COG5: variants seen among roughly 807,000 people sequenced by gnomAD.
COG5 encodes component of oligomeric golgi complex 5.
A neutral mutation model predicts 110.4 loss-of-function variants in COG5; 86 were observed. The observed-to-expected ratio is 0.78, with a 90% CI of 0.65 to 0.93. The LOEUF (loss-of-function observed/expected upper bound fraction) is 0.93, where lower values mean the gene tolerates loss of function less well. Ranked by LOEUF, COG5 falls within the 40% of genes least tolerant of loss-of-function variation. COG5 has a pLI of 0.00. For synonymous variants in COG5, 360 were observed against 334.6 expected (o/e 1.08, Z -0.83); for missense variants, 1,077 against 987.0 (o/e 1.09, Z -1.22).
At chr7:107,206,188 C>G (rs941754435) in intron 21 of COG5, among the ~76,000 whole-genome samples, 7 of 152,122 alleles carry the variant, frequency 4.6e-5, no homozygotes, top group African/African-American at 1.7e-4. Context: ...GTCTCGATCT[C>G]TTGACCTCGT....
chr7:107,479,419 A>G (rs1215515894), intron 6 of COG5, among the ~76,000 whole-genome samples: 1 of 152,134 alleles, frequency 6.6e-6, no homozygotes, highest in East Asian at 1.9e-4. Context: ...AGAATTGATG[A>G]GACACAGAAG....
intron 10 of COG5, among the ~76,000 whole-genome samples, 181 bp downstream of exon 10, chr7:107,361,852 G>A (rs970278763): frequency 3.3e-5 from 5 of 151,974 alleles, no homozygotes; most frequent in Admixed American, 1.3e-4. Context: ...GACCCACCAC[G>A]CCCAGCCCCA....
At chr7:107,494,115 T>C (rs1000420770) in intron 6 of COG5, among the ~76,000 whole-genome samples, 3 of 152,294 alleles carry the variant, frequency 2.0e-5, no homozygotes, top group African/African-American at 7.2e-5. Context: ...TTTAAGTTTA[T>C]ATTTAATATT....
chr7:107,483,234 T>C (rs574211268), intron 6 of COG5, among the ~76,000 whole-genome samples: 2 of 152,340 alleles, frequency 1.3e-5, no homozygotes, highest in East Asian at 3.9e-4. Flanking sequence ...AACACTACTC[T>C]AGGAACATTT....
At chr7:107,210,728 G>T in intron 20 of COG5, 123 bp from the exon 21 acceptor site, 1 of 1,117,838 alleles carries the variant, frequency 8.9e-7, no homozygotes, top group South Asian at 1.3e-5. Context: ...ACCTGTCCAA[G>T]GGAAGTGTGA....
intron 5 of COG5, among the ~76,000 whole-genome samples, chr7:107,545,980 A>G (rs1053910115): frequency 6.6e-6 from 1 of 152,116 alleles, no homozygotes; most frequent in African/African-American, 2.4e-5. Flanking sequence ...ACCAGAAAAT[A>G]AGGCTTAACA....
rs184299683 is a variant in COG5 at position 107,271,495 on chromosome 7, C to T, written c.1575+9805G>A. On this transcript the variant is annotated intron_variant, in intron 14 of 21. Coordinates refer to ENST00000297135, the MANE Select transcript of COG5 (RefSeq NM_006348.5). ...TTATAGTTTTCAGTGTAAAGTCTTGCCCATATTTTGCCAAATTATTCCTAG... is the reference window on the plus strand; with the variant it reads ...TTATAGTTTTCAGTGTAAAGTCTTGTCCATATTTTGCCAAATTATTCCTAG... Among the ~76,000 whole-genome samples, 24 of 152,068 alleles carry T rather than the reference C, an allele frequency of 1.6e-4. No homozygotes were observed. In the East Asian group the frequency reaches 4.6e-3, roughly 29 times the overall value.
intron 6 of COG5, among the ~76,000 whole-genome samples, chr7:107,433,322 G>A (rs566641130): frequency 1.3e-5 from 2 of 152,270 alleles, no homozygotes; most frequent in East Asian, 3.9e-4. Flanking sequence ...CATTTTGTGT[G>A]TGCATGCAGA....
At chr7:107,513,763 C>T (rs1288942314) in intron 6 of COG5, among the ~76,000 whole-genome samples, 3 of 152,080 alleles carry the variant, frequency 2.0e-5, no homozygotes, top group Non-Finnish European at 4.4e-5. Context: ...ATGGATGAAG[C>T]TGGAAACCAT....
At chr7:107,448,919 A>G (rs902084154) in intron 6 of COG5, among the ~76,000 whole-genome samples, 3 of 152,160 alleles carry the variant, frequency 2.0e-5, no homozygotes, top group Admixed American at 1.3e-4. Flanking sequence ...TTTTATTACT[A>G]CCATAAAATA....
intron 19 of COG5, among the ~76,000 whole-genome samples, chr7:107,214,017 A>G (rs1799347421): frequency 6.6e-6 from 1 of 152,208 alleles, no homozygotes; most frequent in African/African-American, 2.4e-5. Context: ...AAAAAGTTAA[A>G]TGAAATCTGG....
chr7:107,375,471 A>G (rs1278237446), intron 7 of COG5, among the ~76,000 whole-genome samples: 1 of 152,074 alleles, frequency 6.6e-6, no homozygotes, highest in Non-Finnish European at 1.5e-5. Context: ...CACTCCCACC[A>G]GCGATATATG....
chr7:107,248,357 G>T (rs1802207913), intron 17 of COG5, 39 bp downstream of exon 17: 2 of 1,222,436 alleles, frequency 1.6e-6, no homozygotes, highest in Non-Finnish European at 2.4e-6. Context: ...CAAAATAAAG[G>T]CAGTAAAAGT....
Position 107,208,497 on chromosome 7 carries a change from C to T in COG5, c.2375+2029G>A, listed in dbSNP as rs1368037794. The T allele has an allele frequency of 9.1e-6, 9 of 985,392 alleles. No individual in the cohort carries two copies. The African/African-American group carries it at 1.4e-4, about 15-fold the overall frequency. 61.0% of individuals were successfully genotyped at this position (985,392 alleles called of 1,614,324 possible). On this transcript the variant is annotated intron_variant, in intron 21 of 21. Coordinates refer to ENST00000297135, the MANE Select transcript of COG5 (RefSeq NM_006348.5). ...ATGAACGTGTTCAATTAACTGAATCCTCTTTTTAAGACGACTGAGTGTGTT... is the reference window on the plus strand; with the variant it reads ...ATGAACGTGTTCAATTAACTGAATCTTCTTTTTAAGACGACTGAGTGTGTT...
chr7:107,356,104 A>G (rs529464357), intron 10 of COG5, among the ~76,000 whole-genome samples: 2 of 152,338 alleles, frequency 1.3e-5, no homozygotes, highest in South Asian at 4.1e-4. Context: ...GAACTACAAT[A>G]AAAGGACAAT....
At chr7:107,364,818 AT>A (rs1410079375) in intron 8 of COG5, among the ~76,000 whole-genome samples, 2 of 152,208 alleles carry the variant, frequency 1.3e-5, no homozygotes. Context: ...AAGCAATAAA[AT>A]AATCTATGAG....
chr7:107,474,881 G>T lies in COG5; in HGVS notation c.538+52356C>A. The T allele has an allele frequency of 6.2e-7, 1 of 1,613,162 alleles. No individual in the cohort carries two copies. On this transcript the variant is annotated intron_variant, in intron 6 of 21. Coordinates refer to ENST00000297135, the MANE Select transcript of COG5 (RefSeq NM_006348.5). The surrounding 1 kb of genome is among the most constrained non-coding windows in gnomAD (Gnocchi z 5.7). ...CATGAGGCTACAGACATGTCACAAA[G>T]CAGTGGTGGGAGAAATGTAGTCTTT...
In COG5 at chr7:107,551,685, A is replaced by C. The variant is rs151192519; in HGVS notation, c.292+2600T>G. Among the ~76,000 whole-genome samples, 842 of 152,150 alleles carry C rather than the reference A, an allele frequency of 5.5e-3. 8 individuals are homozygous for C. Among genetic ancestry groups the C allele is most frequent in the African/African-American group, 0.02 (811 of 41,526 alleles). On this transcript the variant is annotated intron_variant, in intron 3 of 21. Coordinates refer to ENST00000297135, the MANE Select transcript of COG5 (RefSeq NM_006348.5). ...CAGGCTGGAGGGCAGGGACACAATC[A>C]CAGCTCACTGCAGCCTCAACCTCCT...
At chr7:107,239,427 C>G (rs1801448131) in intron 17 of COG5, among the ~76,000 whole-genome samples, 2 of 152,212 alleles carry the variant, frequency 1.3e-5, no homozygotes, top group South Asian at 2.1e-4. Context: ...ATTGCCTTGG[C>G]TATTCAGAGA....
Sources: allele counts gnomAD v4.1 joint callset (sites outside exome capture counted in the v4.1 genomes callset), GRCh38; gene constraint gnomAD v4.1.1; non-coding constraint Gnocchi (gnomAD v3.1); transcripts MANE v1.5; gene names NCBI Gene and HGNC (gene_info 2026-07-23, HGNC 2026-07-21).